The following NAV3 variants were observed in gnomAD, a reference collection of about 807,000 sequenced individuals.
The protein encoded by NAV3 is pore membrane and/or filament interacting like protein 1.
Under a neutral mutation model 244.7 loss-of-function variants are expected in NAV3, and 87 were observed. The observed-to-expected ratio is 0.36, with a 90% confidence interval of 0.30 to 0.42. The LOEUF is 0.42. NAV3 is among the 20% of genes least tolerant of loss of function. The pLI, the probability that NAV3 is intolerant of heterozygous loss-of-function variation, is 1.00. For missense variants in NAV3, 2,663 were observed against 2,893.3 expected (o/e 0.92, Z 1.83); for synonymous variants, 1,126 against 1,042.2 (o/e 1.08, Z -1.55).
intron 1 of NAV3, among the ~76,000 whole-genome samples, chr12:77,839,234 C>T (rs1373143057): frequency 6.6e-6 from 1 of 152,184 alleles, no homozygotes. Flanking sequence ...TTGAGAAATG[C>T]TGCTTTAGAA....
intron 1 of NAV3, among the ~76,000 whole-genome samples, chr12:77,865,363 C>T (rs1443698257): frequency 6.4e-5 from 5 of 77,808 alleles, no homozygotes; most frequent in African/African-American, 2.2e-4. Context: ...TAAGGTACCA[C>T]ATATTTCAAG....
At chr12:78,050,694 G>A (rs1210686308) in intron 10 of NAV3, 70 bp from the exon 11 acceptor site, 1 of 1,485,506 alleles carries the variant, frequency 6.7e-7, no homozygotes, top group Admixed American at 2.2e-5. Context: ...AGCCTTTTCT[G>A]TCTTCATGCA....
chr12:78,138,833 C>CT (rs1219722409), intron 19 of NAV3, among the ~76,000 whole-genome samples: 2 of 152,076 alleles, frequency 1.3e-5, no homozygotes, highest in Non-Finnish European at 2.9e-5. Context: ...GGCAAGATGG[C>CT]TTTTTTGTGC....
At chr12:77,725,610 G>A (rs148177125) in intron 2 of NAV3, among the ~76,000 whole-genome samples, 3 of 151,074 alleles carry the variant, frequency 2.0e-5, no homozygotes. Flanking sequence ...GAGCTTGCTC[G>A]CAAACCATTC....
At chr12:77,811,267 A>G (rs796951764) in intron 2 of NAV3, among the ~76,000 whole-genome samples, 9 of 152,276 alleles carry the variant, frequency 5.9e-5, no homozygotes, top group African/African-American at 2.2e-4. Flanking sequence ...TAAGAGCATG[A>G]TAATTTACAT....
intron 2 of NAV3, among the ~76,000 whole-genome samples, chr12:77,743,783 G>A (rs181753969): frequency 2.6e-5 from 4 of 151,618 alleles, no homozygotes; most frequent in African/African-American, 9.7e-5. Context: ...AATAAGAATA[G>A]GATGCAATAA....
In NAV3 at chr12:78,000,394, TC is replaced by T. The variant is rs1218191390; in HGVS notation, c.880+1920del. The stretch of plus-strand genomic sequence containing the variant: ...GGAGTTAAAACTTTATGTCAATAGA[TC>T]CAATAACAATGTTCATAAATTAATC... On this transcript the variant is annotated intron_variant, in intron 7 of 39. Coordinates refer to ENST00000397909, the MANE Select transcript of NAV3 (RefSeq NM_001024383.2). Among the ~76,000 whole-genome samples the T allele has an allele frequency of 2.0e-5, 3 of 152,136 alleles. No individual in the cohort carries two copies. In the East Asian group the frequency reaches 5.8e-4, roughly 29 times the overall value.
At chr12:78,133,557 C>T (rs1346654468) in intron 18 of NAV3, among the ~76,000 whole-genome samples, 2 of 151,454 alleles carry the variant, frequency 1.3e-5, no homozygotes, top group East Asian at 1.9e-4. Flanking sequence ...ATTCTTTCTA[C>T]CAATTAAAAT....
intron 3 of NAV3, among the ~76,000 whole-genome samples, chr12:77,963,440 T>C (rs1055901129): frequency 6.6e-6 from 1 of 152,202 alleles, no homozygotes; most frequent in Non-Finnish European, 1.5e-5. Flanking sequence ...GCCTAGTATA[T>C]ACTAACAAAT....
chr12:77,721,002 T>C (rs1876600815), intron 2 of NAV3, among the ~76,000 whole-genome samples: 1 of 152,190 alleles, frequency 6.6e-6, no homozygotes, highest in Admixed American at 6.5e-5. Context: ...GAGTCTGCTC[T>C]AGAATGGTTT....
At chr12:77,676,996 A>G (rs1260846119) in intron 2 of NAV3, among the ~76,000 whole-genome samples, 1 of 152,186 alleles carries the variant, frequency 6.6e-6, no homozygotes, top group Non-Finnish European at 1.5e-5. Flanking sequence ...AGATTTTAAA[A>G]TGGTTCTCAC....
intron 2 of NAV3, among the ~76,000 whole-genome samples, chr12:77,789,940 G>A (rs928414053): frequency 4.0e-5 from 6 of 151,682 alleles, no homozygotes; most frequent in Admixed American, 2.0e-4. Context: ...GTCCTGGGCC[G>A]AATGTGGGTG....
chr12:78,068,399 A>G (rs1295160730), intron 12 of NAV3, among the ~76,000 whole-genome samples: 1 of 151,040 alleles, frequency 6.6e-6, no homozygotes, highest in Non-Finnish European at 1.5e-5. Context: ...TATCTATACT[A>G]TAAATAGTTT....
intron 1 of NAV3, among the ~76,000 whole-genome samples, chr12:77,893,664 C>G (rs1321216191): frequency 1.3e-5 from 2 of 151,532 alleles, no homozygotes. Context: ...GAGTTTTACT[C>G]AAAGACAAAA....
At chr12:78,050,540 C>T (rs1390073894) in intron 10 of NAV3, among the ~76,000 whole-genome samples, 1 of 152,056 alleles carries the variant, frequency 6.6e-6, no homozygotes, top group Non-Finnish European at 1.5e-5. Context: ...TGTTGTTTTA[C>T]CCAAGGTGTA....
chr12:77,968,664 A>C lies in NAV3; in HGVS notation c.633A>C (p.Glu211Asp). 7 of 1,614,128 alleles carry C rather than the reference A, an allele frequency of 4.3e-6. No individual in the cohort carries two copies. Among genetic ancestry groups the C allele is most frequent in the Non-Finnish European group, 5.9e-6 (7 of 1,179,988 alleles). Reference protein sequence around the residue: ...QRVTHASPPSEASQAKTQQDM... With the variant: ...QRVTHASPPSDASQAKTQQDM... ...TTACTCACGCTTCCCCTCCATCGGA[A>C]GCCAGCCAGGCCAAAACCCAGCAAG... The change falls in exon 5 of 40, where the codon GAA becomes GAC. Residue 211 changes from glutamate to aspartate, a missense_variant. Glu to Asp is a conservative substitution (Grantham distance 45). Around this residue, in one of 6 missense-constraint regions of NAV3, gnomAD observed 1,521 missense variants for 1,497.0 expected, o/e 1.02. Coordinates refer to ENST00000397909, the MANE Select transcript of NAV3 (RefSeq NM_001024383.2).
chr12:78,134,775 A>G (rs1301607974), intron 18 of NAV3, among the ~76,000 whole-genome samples: 1 of 152,164 alleles, frequency 6.6e-6, no homozygotes, highest in Non-Finnish European at 1.5e-5. Flanking sequence ...ATTTAATAAT[A>G]TCATAAAAAC....
intron 2 of NAV3, among the ~76,000 whole-genome samples, chr12:77,800,605 A>C (rs116548348): frequency 0.014 from 2,059 of 152,264 alleles, 46 homozygotes; most frequent in African/African-American, 0.047. Context: ...TATAGTTTAC[A>C]AGTTTACTGT....
intron 2 of NAV3, among the ~76,000 whole-genome samples, chr12:77,729,014 T>A (rs1877008078): frequency 6.6e-6 from 1 of 152,040 alleles, no homozygotes; most frequent in Admixed American, 6.6e-5. Context: ...TTCTTCTGAC[T>A]TTCTTGATAT....
Sources: allele counts gnomAD v4.1 joint callset (sites outside exome capture counted in the v4.1 genomes callset), GRCh38; gene constraint gnomAD v4.1.1; regional missense constraint gnomAD v4.1.1; transcripts MANE v1.5; gene names NCBI Gene and HGNC (gene_info 2026-07-23, HGNC 2026-07-21).